LINGO2: variants seen among roughly 807,000 people sequenced by gnomAD.
The protein encoded by LINGO2 is leucine rich repeat and Ig domain containing 2.
Under a neutral mutation model 30.6 loss-of-function variants are expected in LINGO2, and 14 were observed. That is an observed-to-expected ratio of 0.46 (90% confidence interval 0.30 to 0.72). The LOEUF (loss-of-function observed/expected upper bound fraction) is 0.72. LINGO2 is among the 30% of genes least tolerant of loss of function. The probability of loss-of-function intolerance (pLI) is 0.07; values close to 1 mark genes in which losing one functional copy is unlikely to be tolerated. For missense variants in LINGO2, 729 were observed against 751.7 expected, an observed-to-expected ratio of 0.97 and a Z score of 0.35; for synonymous variants, 317 against 288.5, an observed-to-expected ratio of 1.10 and a Z score of -1.00.
chr9:28,577,114 T>C (rs961689943), intron 1 of LINGO2, among the ~76,000 whole-genome samples: 3 of 152,156 alleles, frequency 2.0e-5, no homozygotes, highest in Admixed American at 2.0e-4. Context: ...CCAAATTAAA[T>C]TGCCTTTATA....
At chr9:28,834,897 C>A in the LINGO2 span, among the ~76,000 whole-genome samples, 1 of 152,244 alleles carries the variant, frequency 6.6e-6, no homozygotes, top group Non-Finnish European at 1.5e-5. Context: ...AGGAAAAAAA[C>A]CATGTCTCGC....
At chr9:28,099,236 A>G (rs1465400381) in intron 4 of LINGO2, among the ~76,000 whole-genome samples, 1 of 152,162 alleles carries the variant, frequency 6.6e-6, no homozygotes, top group Non-Finnish European at 1.5e-5. Flanking sequence ...GGGACTGACT[A>G]TCAGTGGAGC....
chr9:28,364,201 C>T (rs1820568274), intron 3 of LINGO2, among the ~76,000 whole-genome samples: 1 of 152,104 alleles, frequency 6.6e-6, no homozygotes, highest in African/African-American at 2.4e-5. Context: ...TTAGACATAA[C>T]AGTTTGGTCT....
the LINGO2 span, among the ~76,000 whole-genome samples, chr9:28,687,171 C>G: frequency 5.9e-5 from 9 of 151,982 alleles, no homozygotes; most frequent in African/African-American, 2.2e-4. Flanking sequence ...TTATTCATAC[C>G]CAGACAACAC....
chr9:29,189,950 G>A, the LINGO2 span, among the ~76,000 whole-genome samples: 1 of 150,198 alleles, frequency 6.7e-6, no homozygotes, highest in South Asian at 2.1e-4. Flanking sequence ...GCAGTGAGCC[G>A]AGATGGCAGC....
the LINGO2 span, among the ~76,000 whole-genome samples, chr9:28,949,978 C>G: frequency 6.6e-6 from 1 of 151,074 alleles, no homozygotes; most frequent in Non-Finnish European, 1.5e-5. Flanking sequence ...ATACACAAGT[C>G]AATAAGCGTA....
chr9:28,247,668 G>A (rs571579302), intron 4 of LINGO2, among the ~76,000 whole-genome samples: 1 of 152,178 alleles, frequency 6.6e-6, no homozygotes, highest in Admixed American at 6.6e-5. Flanking sequence ...CCTAGGTGAT[G>A]GGTTGATAGG....
At chr9:28,687,538 C>T in the LINGO2 span, among the ~76,000 whole-genome samples, 2 of 151,980 alleles carry the variant, frequency 1.3e-5, no homozygotes, top group Admixed American at 6.6e-5. Flanking sequence ...GAGAGAGAGA[C>T]TATTGGTCAT....
At chr9:28,071,637 G>A (rs992110558) in intron 4 of LINGO2, among the ~76,000 whole-genome samples, 1 of 151,060 alleles carries the variant, frequency 6.6e-6, no homozygotes, top group African/African-American at 2.4e-5. Context: ...CTAGAAGGTG[G>A]GTATTGATAG....
chr9:28,006,067 C>T (rs1822251953), intron 5 of LINGO2, among the ~76,000 whole-genome samples: 2 of 151,992 alleles, frequency 1.3e-5, no homozygotes, highest in Admixed American at 1.3e-4. Context: ...CTAGGCCTAT[C>T]ACAGGGCAAA....
At chr9:28,767,732 G>T in the LINGO2 span, among the ~76,000 whole-genome samples, 1 of 142,316 alleles carries the variant, frequency 7.0e-6, no homozygotes, top group African/African-American at 2.6e-5. Flanking sequence ...CTTGCAGTGA[G>T]CCGAGATCGC....
At chr9:28,363,233 T>C (rs910660057) in intron 3 of LINGO2, among the ~76,000 whole-genome samples, 2 of 152,212 alleles carry the variant, frequency 1.3e-5, no homozygotes, top group Non-Finnish European at 2.9e-5. Flanking sequence ...CCAGAGCCTA[T>C]GCTCTGCTTA....
chr9:28,104,262 G>GTTTTTT (rs1364642044), intron 4 of LINGO2, among the ~76,000 whole-genome samples: 3 of 55,798 alleles, frequency 5.4e-5, no homozygotes, highest in Non-Finnish European at 6.9e-5. Context: ...CAAGTTTTTT[G>GTTTTTT]TTTGTTTTTT....
chr9:28,125,935 G>A (rs980048044), intron 4 of LINGO2, among the ~76,000 whole-genome samples: 1 of 152,132 alleles, frequency 6.6e-6, no homozygotes, highest in African/African-American at 2.4e-5. Flanking sequence ...GGTGAAAATT[G>A]AGTACCAACC....
chr9:28,029,667 A>G (rs1353775321), intron 4 of LINGO2, among the ~76,000 whole-genome samples: 1 of 152,216 alleles, frequency 6.6e-6, no homozygotes, highest in Non-Finnish European at 1.5e-5. Flanking sequence ...ATTTATTGAG[A>G]TAGTCAAAAC....
At chr9:28,512,363 G>A (rs538361988) in intron 1 of LINGO2, among the ~76,000 whole-genome samples, 20 of 151,638 alleles carry the variant, frequency 1.3e-4, no homozygotes, top group South Asian at 2.1e-4. Context: ...AGAGGCCTCC[G>A]CTGTGATTCA....
At chr9:28,590,873 G>A (rs1824861778) in intron 1 of LINGO2, among the ~76,000 whole-genome samples, 1 of 152,038 alleles carries the variant, frequency 6.6e-6, no homozygotes, top group African/African-American at 2.4e-5. Flanking sequence ...GTTTATTGTG[G>A]CACTATTCAC....
chr9:29,158,648 C>A, the LINGO2 span, among the ~76,000 whole-genome samples: 99 of 152,284 alleles, frequency 6.5e-4, 2 homozygotes, highest in South Asian at 0.012. Flanking sequence ...GGTTATACTA[C>A]AACTCTCTAA....
At chr9:29,205,591 A>T in the LINGO2 span, among the ~76,000 whole-genome samples, 1 of 152,100 alleles carries the variant, frequency 6.6e-6, no homozygotes, top group Non-Finnish European at 1.5e-5. Context: ...CCTCCTCTAC[A>T]GTTTCCTGAA....
Sources: gnomAD v4.1 joint callset for allele counts (sites outside exome capture counted in the v4.1 genomes callset) on GRCh38, gnomAD v4.1.1 for gene constraint, MANE v1.5 for transcripts, NCBI Gene and HGNC (gene_info 2026-07-23, HGNC 2026-07-21) for gene names.